UGT1A8: variants seen among roughly 807,000 people sequenced by gnomAD.
UGT1A8 encodes the protein UDP-glucuronosyltransferase 1A8.
A neutral mutation model predicts 45.3 loss-of-function variants in UGT1A8; 39 were observed. That is an observed-to-expected ratio of 0.86 (90% CI 0.67 to 1.12). The LOEUF is 1.12. Among genes scored for constraint, UGT1A8 ranks in the 50% most tolerant of loss-of-function variants. The pLI, the probability that UGT1A8 is intolerant of heterozygous loss-of-function variation, is 0.00. For synonymous variants in UGT1A8, 275 were observed against 249.2 expected (o/e 1.10, Z -0.97); for missense variants, 719 against 664.9 (o/e 1.08, Z -0.90).
chr2:233,714,306 TAGAG>T (rs2076379080), intron 1 of UGT1A8, among the ~76,000 whole-genome samples: 3 of 152,124 alleles, frequency 2.0e-5, no homozygotes, highest in African/African-American at 7.2e-5. Context: ...TTGCAAAAGA[TAGAG>T]AGGTGACCAC....
intron 1 of UGT1A8, among the ~76,000 whole-genome samples, chr2:233,722,870 A>ATTTTTT: frequency 7.8e-6 from 1 of 127,982 alleles, no homozygotes; most frequent in Non-Finnish European, 1.7e-5. Context: ...GAAGGAAAAA[A>ATTTTTT]TAAATTTATT....
At chr2:233,711,206 C>T (rs1343075112) in intron 1 of UGT1A8, among the ~76,000 whole-genome samples, 1 of 152,254 alleles carries the variant, frequency 6.6e-6, no homozygotes, top group African/African-American at 2.4e-5. Flanking sequence ...GTCCTGCTCT[C>T]CCCAGTGCTC....
rs542225006 is a variant in UGT1A8 at position 233,769,560 on chromosome 2, G to A, written c.1295+1121G>A. 3.2e-5 allele frequency: 51 copies of A among 1,612,868 alleles called. No individual in the cohort carries two copies. The African/African-American group carries it at 6.7e-4, about 21-fold the overall frequency. The stretch of plus-strand genomic sequence containing the variant: ...AAGCAGCAGTCAGGAAGACAGATGT[G>A]AAGAGCTGGAGCATGTTCAGATGAG... On this transcript the variant is annotated intron_variant, in intron 4 of 4. Transcript: ENST00000373450. The surrounding 1 kb of genome is among the most constrained non-coding windows in gnomAD (Gnocchi z 4.4).
intron 1 of UGT1A8, among the ~76,000 whole-genome samples, chr2:233,620,551 C>T (rs2072983627): frequency 6.6e-6 from 1 of 152,068 alleles, no homozygotes; most frequent in Non-Finnish European, 1.5e-5. Flanking sequence ...TACATGGTTT[C>T]AGTTATTTTG....
rs141423311 is a variant in UGT1A8 at position 233,670,272 on chromosome 2, T to C, written c.855+51710T>C. On this transcript the variant is annotated intron_variant, in intron 1 of 4. Coordinates refer to ENST00000373450, the MANE Select transcript of UGT1A8 (RefSeq NM_019076.5). ...GAAGGAGGAAGAGGTGGGTTGGTTT[T>C]GCTGTTTCAGGGGTGGCAGAGGGGG... is the stretch of plus-strand genomic sequence containing the variant. Among the ~76,000 whole-genome samples, 432 of 152,314 alleles carry C rather than the reference T, an allele frequency of 2.8e-3. 1 individual carries two copies. Among genetic ancestry groups the C allele is most frequent in the African/African-American group, 9.7e-3 (405 of 41,566 alleles).
intron 1 of UGT1A8, among the ~76,000 whole-genome samples, chr2:233,652,730 CT>C (rs1374961575): frequency 6.6e-6 from 1 of 152,190 alleles, no homozygotes; most frequent in Non-Finnish European, 1.5e-5. Context: ...AAAGAATAAT[CT>C]CTTCAACAGA....
intron 1 of UGT1A8, among the ~76,000 whole-genome samples, chr2:233,710,615 T>C (rs2076139654): frequency 6.6e-6 from 1 of 152,224 alleles, no homozygotes; most frequent in Non-Finnish European, 1.5e-5. Flanking sequence ...TTTGTCTTCT[T>C]ATATTTGAGT....
At chr2:233,630,186 G>C (rs1269707574) in intron 1 of UGT1A8, among the ~76,000 whole-genome samples, 1 of 151,972 alleles carries the variant, frequency 6.6e-6, no homozygotes, top group Non-Finnish European at 1.5e-5. Context: ...GCCTCCAGGG[G>C]AGGTAGATCA....
chr2:233,658,018 CTTTT>C (rs34352422), intron 1 of UGT1A8, among the ~76,000 whole-genome samples: 21 of 128,050 alleles, frequency 1.6e-4, no homozygotes, highest in African/African-American at 2.6e-4. Flanking sequence ...GTTTCCTCCT[CTTTT>C]TTTTTTTTTT....
At chr2:233,764,892 GC>G (rs759147783) in intron 1 of UGT1A8, among the ~76,000 whole-genome samples, 77 of 150,328 alleles carry the variant, frequency 5.1e-4, no homozygotes, top group Non-Finnish European at 1.0e-3. Context: ...CAAAGACAAA[GC>G]CCTTAAGAGC....
intron 1 of UGT1A8, among the ~76,000 whole-genome samples, chr2:233,759,575 A>G (rs1346908637): frequency 6.6e-6 from 1 of 151,414 alleles, no homozygotes; most frequent in Admixed American, 6.6e-5. Context: ...GTCATTCTCT[A>G]CCCCAGCACG....
At chr2:233,624,134 C>A (rs1410063514) in intron 1 of UGT1A8, among the ~76,000 whole-genome samples, 1 of 152,140 alleles carries the variant, frequency 6.6e-6, no homozygotes, top group Non-Finnish European at 1.5e-5. Flanking sequence ...CAATATGACA[C>A]ATTATGATGA....
chr2:233,750,287 A>AT (rs1158037876), intron 1 of UGT1A8, among the ~76,000 whole-genome samples: 1 of 151,952 alleles, frequency 6.6e-6, no homozygotes, highest in Non-Finnish European at 1.5e-5. Context: ...GACTGGTGGC[A>AT]TTTTGCCCCT....
intron 1 of UGT1A8, among the ~76,000 whole-genome samples, chr2:233,696,048 T>C (rs1001404961): frequency 3.9e-5 from 6 of 152,132 alleles, no homozygotes; most frequent in Non-Finnish European, 7.4e-5. Context: ...ATTTGAAGAA[T>C]GTAAATTAGT....
At chr2:233,690,849 A>T (rs765856425) in intron 1 of UGT1A8, 447 of 1,068,548 alleles carry the variant, frequency 4.2e-4, no homozygotes, top group Non-Finnish European at 4.9e-4. Flanking sequence ...ATGTTTTCTA[A>T]TACCTTCTTA....
intron 1 of UGT1A8, among the ~76,000 whole-genome samples, chr2:233,674,231 TG>T (rs2074277681): frequency 6.6e-6 from 1 of 152,292 alleles, no homozygotes; most frequent in South Asian, 2.1e-4. Context: ...CATGGGAAAG[TG>T]AAATAATGCT....
chr2:233,729,877 C>T, intron 1 of UGT1A8: 5 of 1,613,842 alleles, frequency 3.1e-6, no homozygotes, highest in Non-Finnish European at 4.2e-6. Flanking sequence ...TATTCTCAGT[C>T]ATGCATCTGT....
intron 1 of UGT1A8, chr2:233,692,854 T>C (rs571815189): frequency 2.0e-6 from 3 of 1,463,420 alleles, no homozygotes; most frequent in African/African-American, 2.8e-5. Context: ...TTAATTTGGG[T>C]TCTTACATAT....
At chr2:233,618,665 C>T in intron 1 of UGT1A8, 103 bp downstream of exon 1, 1 of 1,513,862 alleles carries the variant, frequency 6.6e-7, no homozygotes, top group Non-Finnish European at 8.8e-7. Context: ...TGTTGCATTT[C>T]AAATTTCTTT....
Sources: allele counts gnomAD v4.1 joint callset (sites outside exome capture counted in the v4.1 genomes callset), GRCh38; gene constraint gnomAD v4.1.1; non-coding constraint Gnocchi (gnomAD v3.1); transcripts MANE v1.5; gene names NCBI Gene and HGNC (gene_info 2026-07-23, HGNC 2026-07-21).